MSRA: variants seen among roughly 807,000 people sequenced by gnomAD.
MSRA encodes mitochondrial peptide methionine sulfoxide reductase.
Under a neutral mutation model 31.3 loss-of-function variants are expected in MSRA, and 54 were observed. The ratio of observed to expected loss-of-function variants is 1.73; its 90% CI spans 1.39 to 2.17. The LOEUF is 2.17. Ranked by LOEUF, MSRA falls within the 30% of genes most tolerant of loss-of-function variation. The probability of loss-of-function intolerance (pLI) is 0.00; values close to 1 mark genes in which losing one functional copy is unlikely to be tolerated. For missense variants in MSRA, 507 were observed against 300.9 expected (o/e 1.69, Z -5.07); for synonymous variants, 169 against 116.5 (o/e 1.45, Z -2.90).
chr8:10,417,971 C>T (rs1808585138), intron 5 of MSRA, among the ~76,000 whole-genome samples: 1 of 152,064 alleles, frequency 6.6e-6, no homozygotes, highest in African/African-American at 2.4e-5. Context: ...GTCCTGCCTG[C>T]GAGTTTTCCC....
intron 1 of MSRA, among the ~76,000 whole-genome samples, chr8:10,175,522 GTAAT>G (rs1805972799): frequency 6.6e-6 from 1 of 152,140 alleles, no homozygotes; most frequent in Admixed American, 6.5e-5. Context: ...GATCTTAAAA[GTAAT>G]TATGCTGGGT....
At chr8:10,101,462 A>G (rs1799523743) in intron 1 of MSRA, among the ~76,000 whole-genome samples, 1 of 152,172 alleles carries the variant, frequency 6.6e-6, no homozygotes, top group African/African-American at 2.4e-5. Context: ...CATTACCGTC[A>G]TCAAGCCACA....
rs911906596 is a variant in MSRA, at chr8:10,195,609, G to C, written c.143-12224G>C. 5.9e-5 allele frequency among the ~76,000 whole-genome samples: 9 copies of C among 152,182 alleles called. No individual in the cohort carries two copies. The East Asian group carries it at 1.5e-3, about 26-fold the overall frequency. On this transcript the variant is annotated intron_variant, in intron 1 of 5. Coordinates refer to ENST00000317173, the MANE Select transcript of MSRA (RefSeq NM_012331.5). The stretch of plus-strand genomic sequence containing the variant: ...TTCTTTGTCTTCTGAACCTCAGCAA[G>C]AGACAATAATTGAATAAATTGGAAG...
At chr8:10,153,615 A>T (rs976212752) in intron 1 of MSRA, among the ~76,000 whole-genome samples, 1 of 152,120 alleles carries the variant, frequency 6.6e-6, no homozygotes, top group African/African-American at 2.4e-5. Flanking sequence ...GGATATTGAC[A>T]TTGGTCATTT....
chr8:10,168,620 A>C (rs1386507423), intron 1 of MSRA, among the ~76,000 whole-genome samples: 1 of 152,206 alleles, frequency 6.6e-6, no homozygotes, highest in Admixed American at 6.5e-5. Context: ...AGATCAAGAA[A>C]GTGAAGCTCA....
At chr8:10,337,631 A>G (rs749044335) in intron 5 of MSRA, 74 of 682,264 alleles carry the variant, frequency 1.1e-4, no homozygotes, top group Non-Finnish European at 1.8e-4. Context: ...GATATTGGAT[A>G]TTGTCACATT....
chr8:10,360,263 C>G (rs1804768089), intron 5 of MSRA, among the ~76,000 whole-genome samples: 1 of 152,224 alleles, frequency 6.6e-6, no homozygotes, highest in South Asian at 2.1e-4. Context: ...CCAGGTCCAC[C>G]AGATGCCCTA....
At chr8:10,390,594 G>T (rs765125651) in intron 5 of MSRA, among the ~76,000 whole-genome samples, 10 of 152,254 alleles carry the variant, frequency 6.6e-5, no homozygotes, top group Non-Finnish European at 1.2e-4. Context: ...CACATGATTT[G>T]GGGCATTTTT....
intron 2 of MSRA, among the ~76,000 whole-genome samples, chr8:10,228,754 C>G (rs28674018): frequency 0.05 from 7,669 of 152,272 alleles, 597 homozygotes; most frequent in African/African-American, 0.17. Flanking sequence ...TCTGTTTTCT[C>G]ATCCTTAAGT....
At chr8:10,234,289 AAAAT>A (rs1162250377) in intron 2 of MSRA, among the ~76,000 whole-genome samples, 2 of 152,196 alleles carry the variant, frequency 1.3e-5, no homozygotes, top group African/African-American at 4.8e-5. Context: ...GTGTTAGAAG[AAAAT>A]AAAAAAGGCA....
At chr8:10,410,943 G>T (rs1264297031) in intron 5 of MSRA, among the ~76,000 whole-genome samples, 1 of 152,000 alleles carries the variant, frequency 6.6e-6, no homozygotes, top group Non-Finnish European at 1.5e-5. Context: ...AACACCTATG[G>T]CCTATTTTGA....
chr8:10,067,307 A>C (rs915930224), intron 1 of MSRA, among the ~76,000 whole-genome samples: 1 of 152,152 alleles, frequency 6.6e-6, no homozygotes, highest in African/African-American at 2.4e-5. Context: ...CTTTCACTTA[A>C]CAATATGATT....
chr8:10,377,503 T>A (rs374711074), intron 5 of MSRA, among the ~76,000 whole-genome samples: 2 of 152,306 alleles, frequency 1.3e-5, no homozygotes, highest in East Asian at 1.9e-4. Context: ...GATGGGTGGA[T>A]GGGAGAGCCG....
intron 3 of MSRA, among the ~76,000 whole-genome samples, chr8:10,265,522 TCAGGCAGCTAG>T (rs1798700677): frequency 6.6e-6 from 1 of 152,220 alleles, no homozygotes; most frequent in Admixed American, 6.5e-5. Context: ...CTCAGCATTG[TCAGGCAGCTAG>T]CCCATAGCAG....
At chr8:10,401,844 C>A (rs2129184229) in intron 5 of MSRA, among the ~76,000 whole-genome samples, 1 of 152,120 alleles carries the variant, frequency 6.6e-6, no homozygotes, top group Admixed American at 6.5e-5. Context: ...TATATGAGGA[C>A]CTAGAGTAGT....
At chr8:10,253,866 T>C (rs894156529) in intron 3 of MSRA, among the ~76,000 whole-genome samples, 3 of 152,134 alleles carry the variant, frequency 2.0e-5, no homozygotes, top group Non-Finnish European at 4.4e-5. Context: ...TTTTCTAAGT[T>C]ACATTAAAAA....
At chr8:10,182,162 C>T (rs894101973) in intron 1 of MSRA, among the ~76,000 whole-genome samples, 5 of 152,238 alleles carry the variant, frequency 3.3e-5, no homozygotes, top group South Asian at 4.2e-4. Flanking sequence ...GGTTTATCCT[C>T]TAAGCTGCAG....
intron 2 of MSRA, among the ~76,000 whole-genome samples, chr8:10,234,821 A>C (rs1811815515): frequency 6.6e-6 from 1 of 152,120 alleles, no homozygotes; most frequent in African/African-American, 2.4e-5. Flanking sequence ...TTAAGAACAA[A>C]AGACTTTAAT....
Position 10,226,237 on chromosome 8 carries a change from G to A in MSRA, c.211+18336G>A, listed in dbSNP as rs139060338. ...GCTGTCTTGCCTAGGCCTCAGTTTT[G>A]AATGTGGTAGATGAAAGGTTTAACT... is the stretch of plus-strand genomic sequence containing the variant. On this transcript the variant is annotated intron_variant, in intron 2 of 5. Transcript: ENST00000317173. Among the ~76,000 whole-genome samples the A allele has an allele frequency of 1.1e-3, 160 of 152,302 alleles. 2 individuals are homozygous for A. The highest frequency in any genetic ancestry group is 6.8e-3 in the Middle Eastern group (2 of 294).
Sources: allele counts gnomAD v4.1 joint callset (sites outside exome capture counted in the v4.1 genomes callset), GRCh38; gene constraint gnomAD v4.1.1; transcripts MANE v1.5; gene names NCBI Gene and HGNC (gene_info 2026-07-23, HGNC 2026-07-21).